Variants in XRCC4 observed in about 807,000 individuals in gnomAD.
XRCC4 encodes DNA repair protein XRCC4.
Under a neutral mutation model 39.1 loss-of-function variants are expected in XRCC4, and 28 were observed. That is an observed-to-expected ratio of 0.72 (90% CI 0.53 to 0.98). XRCC4 has a LOEUF of 0.98. XRCC4 is among the 50% of genes least tolerant of loss of function. The pLI, the probability that XRCC4 is intolerant of heterozygous loss-of-function variation, is 0.00. For synonymous variants in XRCC4, 123 were observed against 126.4 expected (o/e 0.97, Z 0.18); for missense variants, 350 against 376.4 (o/e 0.93, Z 0.58).
chr5:83,188,749 T>C (rs1464430078), intron 3 of XRCC4, among the ~76,000 whole-genome samples: 1 of 152,148 alleles, frequency 6.6e-6, no homozygotes, highest in Non-Finnish European at 1.5e-5. Context: ...AGTTTTCAGC[T>C]TATTTTTAAT....
chr5:83,331,166 A>G (rs931789818), intron 7 of XRCC4, among the ~76,000 whole-genome samples: 3 of 152,034 alleles, frequency 2.0e-5, no homozygotes, highest in Non-Finnish European at 4.4e-5. Context: ...GTCTCTCTGA[A>G]GCAGAAAAAC....
At chr5:83,147,283 A>C (rs899270066) in intron 3 of XRCC4, among the ~76,000 whole-genome samples, 2 of 152,166 alleles carry the variant, frequency 1.3e-5, no homozygotes, top group Admixed American at 1.3e-4. Flanking sequence ...AACTCCATAC[A>C]CACAGGAAAG....
chr5:83,188,617 A>G (rs746949406), intron 3 of XRCC4, among the ~76,000 whole-genome samples: 4 of 152,102 alleles, frequency 2.6e-5, no homozygotes, highest in African/African-American at 4.8e-5. Context: ...GAAGCTTCCA[A>G]TCACGGCAGA....
chr5:83,293,918 A>G (rs1482038771), intron 7 of XRCC4, among the ~76,000 whole-genome samples: 1 of 152,042 alleles, frequency 6.6e-6, no homozygotes, highest in Non-Finnish European at 1.5e-5. Context: ...CTGATGTATC[A>G]GTATTCTTTT....
intron 3 of XRCC4, among the ~76,000 whole-genome samples, chr5:83,118,349 T>C (rs532778208): frequency 1.3e-5 from 2 of 152,050 alleles, no homozygotes; most frequent in South Asian, 4.2e-4. Flanking sequence ...TTGCCTAGTC[T>C]GGAGTACAGT....
chr5:83,089,973 A>G (rs1054702454), intron 1 of XRCC4, among the ~76,000 whole-genome samples: 3 of 152,166 alleles, frequency 2.0e-5, no homozygotes, highest in Admixed American at 6.5e-5. Flanking sequence ...ACAGGACTTC[A>G]ATGCCCTTCT....
chr5:83,092,928 AAGTT>A (rs1279733738), intron 1 of XRCC4, among the ~76,000 whole-genome samples: 1 of 151,974 alleles, frequency 6.6e-6, no homozygotes, highest in African/African-American at 2.4e-5. Flanking sequence ...AATGGCGAGA[AAGTT>A]AGTCCTTTCC....
chr5:83,353,236 G>A lies in XRCC4; in HGVS notation c.999G>A (p.Glu333=). Residue 333 remains glutamate, a synonymous_variant, in exon 8 of 8, where the codon GAG becomes GAA. Transcript: ENST00000396027. ...RNSSPEDLFD[E]I ...GCAGCCCAGAAGACCTCTTTGATGA[G>A]ATTTAACAGTCTCAAAAAATACTTT... The A allele has an allele frequency of 1.3e-6, 2 of 1,592,844 alleles. No individual in the cohort carries two copies. The highest frequency in any genetic ancestry group is 1.7e-6 in the Non-Finnish European group (2 of 1,171,272).
chr5:83,188,285 G>A (rs1034438695), intron 3 of XRCC4, among the ~76,000 whole-genome samples: 1 of 152,096 alleles, frequency 6.6e-6, no homozygotes, highest in African/African-American at 2.4e-5. Flanking sequence ...TGAGTTCCTT[G>A]TAGCCTTTTG....
At chr5:83,236,435 T>C (rs1752693057) in intron 6 of XRCC4, among the ~76,000 whole-genome samples, 1 of 152,106 alleles carries the variant, frequency 6.6e-6, no homozygotes, top group South Asian at 2.1e-4. Context: ...AGTGAACTCA[T>C]GTTTGAAAAG....
At chr5:83,196,486 T>G (rs1274475999) in intron 4 of XRCC4, among the ~76,000 whole-genome samples, 1 of 152,054 alleles carries the variant, frequency 6.6e-6, no homozygotes, top group Non-Finnish European at 1.5e-5. Context: ...TTGCCTCTTT[T>G]TAAATGAGGA....
chr5:83,312,462 G>GT (rs1416110426), intron 7 of XRCC4, among the ~76,000 whole-genome samples: 1 of 152,158 alleles, frequency 6.6e-6, no homozygotes, highest in African/African-American at 2.4e-5. Context: ...CACCTGTTGT[G>GT]TGAGGAGCAT....
At chr5:83,167,946 A>T (rs1395624145) in intron 3 of XRCC4, among the ~76,000 whole-genome samples, 1 of 152,230 alleles carries the variant, frequency 6.6e-6, no homozygotes. Flanking sequence ...AATTTAAAGG[A>T]GTATAAAATA....
At chr5:83,080,109 A>G (rs904071184) in intron 1 of XRCC4, among the ~76,000 whole-genome samples, 25 of 152,316 alleles carry the variant, frequency 1.6e-4, no homozygotes, top group South Asian at 1.0e-3. Flanking sequence ...GAGAGGAGGA[A>G]TTATAATGGA....
intron 3 of XRCC4, among the ~76,000 whole-genome samples, chr5:83,189,933 A>T (rs1417114763): frequency 6.6e-6 from 1 of 152,084 alleles, no homozygotes; most frequent in African/African-American, 2.4e-5. Context: ...GAATGGTGGC[A>T]GGCACCTGTA....
chr5:83,080,644 C>T (rs1200722130), intron 1 of XRCC4, among the ~76,000 whole-genome samples: 3 of 152,082 alleles, frequency 2.0e-5, no homozygotes, highest in African/African-American at 7.2e-5. Flanking sequence ...GAATCATCTC[C>T]TTGTTTAGCG....
At chr5:83,232,508 C>A (rs531660120) in intron 6 of XRCC4, among the ~76,000 whole-genome samples, 1 of 152,112 alleles carries the variant, frequency 6.6e-6, no homozygotes, top group South Asian at 2.1e-4. Context: ...ACTACAAGAG[C>A]AGGAGCATAG....
intron 6 of XRCC4, among the ~76,000 whole-genome samples, chr5:83,239,828 C>CA (rs574747230): frequency 0.045 from 5,426 of 121,402 alleles, 307 homozygotes; most frequent in African/African-American, 0.15. Flanking sequence ...GACTCTGTCT[C>CA]AAAAAAAAAA....
chr5:83,201,503 A>T (rs1751196914), intron 4 of XRCC4: 1 of 152,212 alleles, frequency 6.6e-6, no homozygotes, highest in Non-Finnish European at 1.5e-5. Context: ...TGGACCATTG[A>T]TTTCTCTATT....
Sources: gnomAD v4.1 joint callset for allele counts (sites outside exome capture counted in the v4.1 genomes callset) on GRCh38, gnomAD v4.1.1 for gene constraint, MANE v1.5 for transcripts, NCBI Gene and HGNC (gene_info 2026-07-23, HGNC 2026-07-21) for gene names.